Variants in SNX32 observed in about 807,000 individuals in gnomAD.
SNX32 encodes the protein sorting nexin 32, also known as sorting nexin-32.
A neutral mutation model predicts 57.0 loss-of-function variants in SNX32; 58 were observed. That is an observed-to-expected ratio of 1.02 (90% CI 0.82 to 1.27). The LOEUF (loss-of-function observed/expected upper bound fraction) is 1.27, where lower values mean the gene tolerates loss of function less well. Ranked by LOEUF, SNX32 falls within the 50% of genes most tolerant of loss-of-function variation. SNX32 has a pLI of 0.00. For missense variants in SNX32, 589 were observed against 541.2 expected (o/e 1.09, Z -0.88); for synonymous variants, 262 against 220.4 (o/e 1.19, Z -1.67).
rs371148171 is a variant in SNX32 at position 65,852,912 on chromosome 11, G to T, written c.1112G>T (p.Arg371Leu). 13 of 1,614,010 alleles carry T rather than the reference G, an allele frequency of 8.1e-6. No homozygotes were observed. In the Admixed American group the frequency reaches 1.3e-4, roughly 17 times the overall value. Residue 371 changes from arginine to leucine, a missense_variant, in exon 12 of 13, where the codon CGA becomes CTA. Transcript: ENST00000308342. ...AAGTCCCGCCGGGTCTCCTCTTTTC[G>T]AAAGAATCTCATTGAGCTGGCAGAG... ...DFKSRRVSSF[R>L]KNLIELAELE... is the part of the protein sequence containing the mutation.
rs1859258024 is a variant in SNX32, at chr11:65,852,875, C to A, written c.1075C>A (p.Leu359Ile). Residue 359 changes from leucine to isoleucine, a missense_variant and splice_region_variant, in exon 12 of 13, where the codon CTC becomes ATC. By Grantham distance (5) the Leu-to-Ile change is conservative (BLOSUM62 2). Transcript: ENST00000308342. ...ATGCCTCTTCCCCTCCTCTCCAGAG[C>A]TCATGGACTTCAAGTCCCGCCGGGT... is the stretch of plus-strand genomic sequence containing the variant. ...ERLSDSAKQE[L>I]MDFKSRRVSS... 6.2e-7 allele frequency: 1 copy of A among 1,614,154 alleles called. No homozygotes were observed. Among genetic ancestry groups the A allele is most frequent in the Non-Finnish European group, 8.5e-7 (1 of 1,179,978 alleles).
chr11:65,850,134 TC>T lies in SNX32; in HGVS notation c.253-13del, dbSNP rs1419482886. The T allele has an allele frequency of 6.2e-7, 1 of 1,614,124 alleles. No individual in the cohort carries two copies. The highest frequency in any genetic ancestry group is 1.7e-5 in the Admixed American group (1 of 60,020). On this transcript the variant is annotated splice_polypyrimidine_tract_variant and intron_variant, in intron 3 of 12. Transcript: ENST00000308342. Reference sequence around the variant, plus strand: ...GGCAGTGAGAGGCCTCCCAGCTCCGTCCCTCCTTTGAGCAGATCCCCCCAGC... The same window carrying T: ...GGCAGTGAGAGGCCTCCCAGCTCCGTCCTCCTTTGAGCAGATCCCCCCAGC...
rs143066310 is a variant in SNX32 at position 65,850,212 on chromosome 11, C to T, written c.315C>T (p.Gly105=). 5.3e-5 allele frequency: 86 copies of T among 1,614,076 alleles called. No homozygotes were observed. The highest frequency in any genetic ancestry group is 2.1e-4 in the African/African-American group (16 of 74,934). Reference sequence around the variant, plus strand: ...CGAGGGAAAAGCTACAGAAATTGGGCGAGGGGGACAGCTCTGTCACTCGGG... The same window carrying T: ...CGAGGGAAAAGCTACAGAAATTGGGTGAGGGGGACAGCTCTGTCACTCGGG... ...EASREKLQKL[G]EGDSSVTREE... The change falls in exon 4 of 13, where the codon GGC becomes GGT. Residue 105 remains glycine, a synonymous_variant. Coordinates refer to ENST00000308342, the MANE Select transcript of SNX32 (RefSeq NM_152760.3).
At chr11:65,844,089 C>G (rs1213803205) in intron 1 of SNX32, among the ~76,000 whole-genome samples, 1 of 152,032 alleles carries the variant, frequency 6.6e-6, no homozygotes, top group Admixed American at 6.5e-5. Context: ...GGTTTGTGCC[C>G]AGACTGATCT....
At chr11:65,846,966 A>T (rs1178707995) in intron 1 of SNX32, among the ~76,000 whole-genome samples, 1 of 151,800 alleles carries the variant, frequency 6.6e-6, no homozygotes, top group Non-Finnish European at 1.5e-5. Context: ...CTGGGCAACA[A>T]GAGTGAAACT....
At chr11:65,843,052 G>A (rs1192423298) in intron 1 of SNX32, among the ~76,000 whole-genome samples, 10 of 145,776 alleles carry the variant, frequency 6.9e-5, no homozygotes, top group South Asian at 2.2e-4. Flanking sequence ...GTGAAACCCC[G>A]TCTCTACTAA....
chr11:65,851,025 T>TG (rs1859169751), intron 6 of SNX32, 30 bp from the exon 7 acceptor site: 2 of 1,592,702 alleles, frequency 1.3e-6, no homozygotes, highest in African/African-American at 2.7e-5. Flanking sequence ...GGTGACCCAG[T>TG]GTAAATGGGG....
chr11:65,836,592 G>A (rs1762233025), intron 1 of SNX32, among the ~76,000 whole-genome samples: 1 of 152,060 alleles, frequency 6.6e-6, no homozygotes, highest in Non-Finnish European at 1.5e-5. Flanking sequence ...ATACTATAAA[G>A]ACACATGCAC....
intron 8 of SNX32, 105 bp from the exon 9 acceptor site, chr11:65,851,535 T>G: frequency 6.5e-7 from 1 of 1,534,646 alleles, no homozygotes; most frequent in Non-Finnish European, 9.0e-7. Flanking sequence ...GGGATGGTGT[T>G]GGGAAGGAAA....
chr11:65,849,686 C>T (rs761469685), intron 2 of SNX32, 104 bp downstream of exon 2: 35 of 1,065,372 alleles, frequency 3.3e-5, no homozygotes, highest in Admixed American at 1.5e-4. Context: ...GGCACTCTTC[C>T]TCCACCTGGC....
At chr11:65,836,272 G>C (rs1332241544) in intron 1 of SNX32, among the ~76,000 whole-genome samples, 1 of 152,194 alleles carries the variant, frequency 6.6e-6, no homozygotes, top group Non-Finnish European at 1.5e-5. Flanking sequence ...GCCAGGCGTG[G>C]TGGCTCAAGC....
Position 65,850,782 on chromosome 11 carries a change from T to C in SNX32, c.530T>C (p.Leu177Pro). The C allele has an allele frequency of 6.2e-7, 1 of 1,613,944 alleles. No homozygotes were observed. Among genetic ancestry groups the C allele is most frequent in the South Asian group, 1.1e-5 (1 of 91,056 alleles). Residue 177 changes from leucine to proline, a missense_variant, in exon 6 of 13, where the codon CTC becomes CCC. By Grantham distance (98) the Leu-to-Pro change is moderately conservative (BLOSUM62 -3). Coordinates refer to ENST00000308342, the MANE Select transcript of SNX32 (RefSeq NM_152760.3). Reference protein sequence around the residue: ...LSVRGKNRKELLGGFLRNIVK... With the variant: ...LSVRGKNRKEPLGGFLRNIVK... ...GTCCGGGGGAAGAACAGGAAGGAGCTCCTCGGAGGGTTTCTGAGGAATATT... is the reference window on the plus strand; with the variant it reads ...GTCCGGGGGAAGAACAGGAAGGAGCCCCTCGGAGGGTTTCTGAGGAATATT...
chr11:65,852,757 G>A lies in SNX32; in HGVS notation c.1040G>A (p.Arg347His), dbSNP rs752019876. The A allele has an allele frequency of 2.3e-5, 37 of 1,608,272 alleles. No homozygotes were observed. Among genetic ancestry groups the A allele is most frequent in the Middle Eastern group, 1.6e-4 (1 of 6,070 alleles). ...AGCCACCAGCAGCTGTGCTGCCAAC[G>A]CTTCGAGCGCCTCTCCGACTCCGCC... ...AESHQQLCCQ[R>H]FERLSDSAKQ... The change falls in exon 11 of 13, where the codon CGC (arginine) becomes CAC (histidine). Residue 347 changes from arginine to histidine, a missense_variant. By Grantham distance (29) the Arg-to-His change is conservative. Transcript: ENST00000308342.
intron 1 of SNX32, among the ~76,000 whole-genome samples, chr11:65,834,524 CTG>C (rs1858601489): frequency 1.4e-5 from 2 of 144,964 alleles, no homozygotes; most frequent in African/African-American, 2.6e-5. Flanking sequence ...GTGTCTGTCT[CTG>C]TGTGTGTCTG....
intron 1 of SNX32, among the ~76,000 whole-genome samples, chr11:65,839,391 G>A (rs535684709): frequency 8.2e-5 from 12 of 146,902 alleles, no homozygotes; most frequent in South Asian, 4.4e-4. Context: ...CACTACGCCC[G>A]GCTAATTTTT....
intron 1 of SNX32, among the ~76,000 whole-genome samples, chr11:65,845,513 G>C (rs1199647299): frequency 6.6e-6 from 1 of 151,198 alleles, no homozygotes; most frequent in African/African-American, 2.4e-5. Context: ...AAGGTGGGCG[G>C]ATCACCTGAG....
rs750080513 is a variant in SNX32 at position 65,850,476 on chromosome 11, CTT to C, written c.422_423del (p.Phe141SerfsTer50). 8.2e-5 allele frequency: 132 copies of C among 1,614,194 alleles called. No individual in the cohort carries two copies. The highest frequency in any genetic ancestry group is 1.1e-4 in the Non-Finnish European group (125 of 1,180,016). On this transcript the variant is annotated frameshift_variant, in exon 5 of 13. Transcript: ENST00000308342. LOFTEE classifies it high-confidence loss of function. ...FKKTVAMHEV[F>X]LQRLAAHPTL... Reference sequence around the variant, plus strand: ...AGAAGACAGTTGCGATGCACGAAGTCTTTCTGCAGCGCCTGGCGGCCCACCCC... The same window carrying C: ...AGAAGACAGTTGCGATGCACGAAGTCTCTGCAGCGCCTGGCGGCCCACCCC...
In SNX32 at chr11:65,849,061, T is replaced by C. The variant is rs962170872; in HGVS notation, c.37-417T>C. 2.6e-5 allele frequency among the ~76,000 whole-genome samples: 4 copies of C among 152,104 alleles called. No homozygotes were observed. The East Asian group carries it at 7.7e-4, about 29-fold the overall frequency. The stretch of plus-strand genomic sequence containing the variant: ...CGGGAGGCTGAGGCAGCAGAATCGC[T>C]TGAACCCGGGAGGTGGAGGTTGCAG... On this transcript the variant is annotated intron_variant, in intron 1 of 12. Coordinates refer to ENST00000308342, the MANE Select transcript of SNX32 (RefSeq NM_152760.3).
intron 1 of SNX32, among the ~76,000 whole-genome samples, chr11:65,837,166 G>C (rs1858691302): frequency 6.6e-6 from 1 of 151,874 alleles, no homozygotes; most frequent in Non-Finnish European, 1.5e-5. Context: ...AAAAACAGAT[G>C]GGACAAAGAG....
Sources: allele counts gnomAD v4.1 joint callset (sites outside exome capture counted in the v4.1 genomes callset), GRCh38; gene constraint gnomAD v4.1.1; transcripts MANE v1.5; gene names NCBI Gene and HGNC (gene_info 2026-07-23, HGNC 2026-07-21).